The following DOK6 variants were observed in gnomAD, a reference collection of about 807,000 sequenced individuals.
DOK6 encodes the protein docking protein 6.
Under a neutral mutation model 44.0 loss-of-function variants are expected in DOK6, and 22 were observed. The ratio of observed to expected loss-of-function variants is 0.50; its 90% CI spans 0.36 to 0.71. The LOEUF (loss-of-function observed/expected upper bound fraction) is 0.71. Among genes scored for constraint, DOK6 ranks in the 30% least tolerant of loss-of-function variants. The pLI is 0.00. For synonymous variants in DOK6, 166 were observed against 145.5 expected, an observed-to-expected ratio of 1.14 and a Z score of -1.01; for missense variants, 340 against 416.4, an observed-to-expected ratio of 0.82 and a Z score of 1.60.
At chr18:69,517,777 TC>T (rs1981572482) in intron 1 of DOK6, among the ~76,000 whole-genome samples, 1 of 152,000 alleles carries the variant, frequency 6.6e-6, no homozygotes, top group Non-Finnish European at 1.5e-5. Flanking sequence ...GATACTGTGT[TC>T]CAAGCAGCAA....
intron 4 of DOK6, among the ~76,000 whole-genome samples, chr18:69,692,182 C>G (rs1380652355): frequency 6.6e-6 from 1 of 152,158 alleles, no homozygotes; most frequent in Non-Finnish European, 1.5e-5. Flanking sequence ...TTGCTGGACT[C>G]TCAGTAATGG....
chr18:69,557,052 T>C (rs1982704490), intron 1 of DOK6, among the ~76,000 whole-genome samples: 1 of 152,212 alleles, frequency 6.6e-6, no homozygotes, highest in South Asian at 2.1e-4. Context: ...GATACACAGT[T>C]ATAAATTAAT....
intron 1 of DOK6, among the ~76,000 whole-genome samples, chr18:69,499,431 A>G (rs1477597397): frequency 6.6e-6 from 1 of 152,208 alleles, no homozygotes; most frequent in Non-Finnish European, 1.5e-5. Flanking sequence ...GAATTAATCA[A>G]ATCTACTTTT....
rs372078005 is a variant in DOK6, at chr18:69,603,538, G to A, written c.289+4040G>A. Among the ~76,000 whole-genome samples the A allele has an allele frequency of 4.1e-4, 63 of 152,286 alleles. No individual in the cohort carries two copies. In the South Asian group the frequency reaches 0.012, roughly 30 times the overall value. ...TGTAATCCCAGCACTTCGGGAGGCC[G>A]AGGCGGGTGGATCACGAGGTCAGGA... is the stretch of plus-strand genomic sequence containing the variant. On this transcript the variant is annotated intron_variant, in intron 3 of 7. Coordinates refer to ENST00000382713, the MANE Select transcript of DOK6 (RefSeq NM_152721.6).
Position 69,691,184 on chromosome 18 carries a change from AAAATAAATAAATAAAT to A in DOK6, c.410-7188_410-7173del, listed in dbSNP as rs149335802. 9.2e-3 allele frequency among the ~76,000 whole-genome samples: 1,296 copies of A among 140,444 alleles called. 9 individuals carry two copies. The highest frequency in any genetic ancestry group is 0.024 in the Admixed American group (334 of 14,178). The allele number at this position is 140,444 out of a possible 152,430, so 92.1% of individuals were successfully genotyped here. ...GGCGACAAGAGCGAAACTCTGTCTC[AAAATAAATAAATAAAT>A]AAATAAATAAATAAATAAATAAATA... On this transcript the variant is annotated intron_variant, in intron 4 of 7. Transcript: ENST00000382713.
chr18:69,693,887 C>T lies in DOK6; in HGVS notation c.410-4517C>T, dbSNP rs1468753060. 3.0e-4 allele frequency among the ~76,000 whole-genome samples: 45 copies of T among 151,204 alleles called. 1 individual carries two copies. The highest frequency in any genetic ancestry group is 3.2e-3 in the Middle Eastern group (1 of 316). ...TCCTGGCTAACACAGTGAAACCCCG[C>T]CTCTACTAAAAATACAAAAAAATTA... On this transcript the variant is annotated intron_variant, in intron 4 of 7. Coordinates refer to ENST00000382713, the MANE Select transcript of DOK6 (RefSeq NM_152721.6).
Position 69,803,875 on chromosome 18 carries a change from G to C in DOK6, c.857-37369G>C, listed in dbSNP as rs1980976897. ...TCCGTCTCAAAAAAATATATATATA[G>C]CTATGACCCACACTGTAGAAGAAGT... On this transcript the variant is annotated intron_variant, in intron 7 of 7. Coordinates refer to ENST00000382713, the MANE Select transcript of DOK6 (RefSeq NM_152721.6). 2.0e-5 allele frequency among the ~76,000 whole-genome samples: 3 copies of C among 152,108 alleles called. No homozygotes were observed. The South Asian group carries it at 6.2e-4, about 32-fold the overall frequency.
chr18:69,758,861 A>G (rs1979447437), intron 7 of DOK6, among the ~76,000 whole-genome samples: 1 of 151,742 alleles, frequency 6.6e-6, no homozygotes, highest in Non-Finnish European at 1.5e-5. Flanking sequence ...GTAAGTTTTG[A>G]CAAAAAGAAA....
At chr18:69,708,746 TG>T (rs1358099830) in intron 5 of DOK6, among the ~76,000 whole-genome samples, 1 of 143,676 alleles carries the variant, frequency 7.0e-6, no homozygotes, top group Non-Finnish European at 1.5e-5. Flanking sequence ...ATCACGCCAT[TG>T]CACTCTAGCC....
intron 1 of DOK6, among the ~76,000 whole-genome samples, chr18:69,453,278 G>C (rs1298324680): frequency 7.2e-6 from 1 of 139,454 alleles, no homozygotes; most frequent in Non-Finnish European, 1.5e-5. Flanking sequence ...CAGACAAACA[G>C]CCAAATCATG....
At chr18:69,500,597 A>C (rs564083466) in intron 1 of DOK6, among the ~76,000 whole-genome samples, 3 of 152,324 alleles carry the variant, frequency 2.0e-5, no homozygotes, top group African/African-American at 7.2e-5. Context: ...CAGAGAAGGC[A>C]ATTAGTAAAC....
chr18:69,515,692 T>C (rs558956452), intron 1 of DOK6, among the ~76,000 whole-genome samples: 8 of 152,304 alleles, frequency 5.3e-5, no homozygotes, highest in Middle Eastern at 6.8e-3. Context: ...GTGAAAGATA[T>C]ATGGTTCCTA....
chr18:69,789,107 G>C (rs1010748935), intron 7 of DOK6, among the ~76,000 whole-genome samples: 2 of 152,086 alleles, frequency 1.3e-5, no homozygotes, highest in African/African-American at 2.4e-5. Context: ...ATGTATTTGA[G>C]TTACAAACAT....
chr18:69,609,697 T>C (rs1267021554), intron 3 of DOK6, among the ~76,000 whole-genome samples: 1 of 152,120 alleles, frequency 6.6e-6, no homozygotes, highest in Non-Finnish European at 1.5e-5. Context: ...GAATTAAAAC[T>C]TGGATCTTGA....
chr18:69,422,957 A>G (rs1254958373), intron 1 of DOK6, among the ~76,000 whole-genome samples: 1 of 152,202 alleles, frequency 6.6e-6, no homozygotes, highest in East Asian at 1.9e-4. Flanking sequence ...CAAACCTCCA[A>G]GCGCACACTA....
chr18:69,723,561 A>G (rs1040711980), intron 5 of DOK6, among the ~76,000 whole-genome samples: 1 of 152,198 alleles, frequency 6.6e-6, no homozygotes, highest in Non-Finnish European at 1.5e-5. Flanking sequence ...AAACATAGAA[A>G]ATGCAACACC....
chr18:69,625,637 A>G (rs1382559741), intron 3 of DOK6, among the ~76,000 whole-genome samples: 9 of 152,220 alleles, frequency 5.9e-5, no homozygotes, highest in Admixed American at 5.9e-4. Flanking sequence ...AAAAGCAGGT[A>G]TCTTAATTGC....
intron 1 of DOK6, among the ~76,000 whole-genome samples, chr18:69,558,810 T>C (rs1982754539): frequency 6.6e-6 from 1 of 152,122 alleles, no homozygotes; most frequent in Non-Finnish European, 1.5e-5. Context: ...GAGAAAAATC[T>C]GACAAAATCT....
intron 1 of DOK6, among the ~76,000 whole-genome samples, chr18:69,495,847 T>C (rs1324911755): frequency 6.6e-6 from 1 of 152,168 alleles, no homozygotes; most frequent in Non-Finnish European, 1.5e-5. Flanking sequence ...GAGGGGGCTG[T>C]GTGGGCAGGG....
Sources: gnomAD v4.1 joint callset for allele counts (sites outside exome capture counted in the v4.1 genomes callset) on GRCh38, gnomAD v4.1.1 for gene constraint, MANE v1.5 for transcripts, NCBI Gene and HGNC (gene_info 2026-07-23, HGNC 2026-07-21) for gene names.